SOS2: variants seen among roughly 807,000 people sequenced by gnomAD.
SOS2 encodes the protein son of sevenless homolog 2.
In SOS2, 65 loss-of-function variants were observed where a neutral mutation model predicts 148.2. That is an observed-to-expected ratio of 0.44 (90% confidence interval 0.36 to 0.54). The LOEUF (loss-of-function observed/expected upper bound fraction) is 0.54, where lower values mean the gene tolerates loss of function less well. SOS2 is among the 20% of genes least tolerant of loss of function. The pLI, the probability that SOS2 is intolerant of heterozygous loss-of-function variation, is 0.00. For missense variants in SOS2, 1,341 were observed against 1,590.2 expected, an observed-to-expected ratio of 0.84 and a Z score of 2.67; for synonymous variants, 539 against 537.1, an observed-to-expected ratio of 1.00 and a Z score of -0.05.
At chr14:50,226,537 TATTA>T (rs1887383404) in intron 1 of SOS2, among the ~76,000 whole-genome samples, 2 of 152,222 alleles carry the variant, frequency 1.3e-5, no homozygotes, top group Admixed American at 6.5e-5. Flanking sequence ...CGTAGACTGC[TATTA>T]ATTAACCCAG....
intron 7 of SOS2, among the ~76,000 whole-genome samples, chr14:50,179,620 C>T (rs1335281624): frequency 6.6e-6 from 1 of 152,152 alleles, no homozygotes; most frequent in Admixed American, 6.6e-5. Context: ...TGACCTTAGC[C>T]TCCCAAAGTG....
intron 3 of SOS2, among the ~76,000 whole-genome samples, 187 bp from the exon 4 acceptor site, chr14:50,200,042 G>A (rs1472418835): frequency 1.3e-5 from 2 of 152,028 alleles, no homozygotes; most frequent in Admixed American, 1.3e-4. Flanking sequence ...TTTCTTTTAA[G>A]AGACATCTAA....
chr14:50,188,590 G>C lies in SOS2; in HGVS notation c.621C>G (p.Ile207Met), dbSNP rs147109760. 1.2e-6 allele frequency: 2 copies of C among 1,606,890 alleles called. No individual in the cohort carries two copies. The highest frequency in any genetic ancestry group is 4.5e-5 in the East Asian group (2 of 44,792). The change falls in exon 5 of 23, where the codon ATC becomes ATG. Residue 207 changes from isoleucine (I) to methionine (M), a missense_variant. Transcript: ENST00000216373. ...LNYYDLVRTE[I>M]AEERQYLREL... ...CCCGTAGATACTGTCTTTCTTCTGC[G>C]ATTTCAGTTCTGACAAGATCATAGT...
chr14:50,222,669 A>T (rs923181755), intron 1 of SOS2, among the ~76,000 whole-genome samples: 1 of 152,254 alleles, frequency 6.6e-6, no homozygotes, highest in Admixed American at 6.5e-5. Context: ...AGACTAAAAC[A>T]TGTCTACGTT....
At chr14:50,194,771 C>T (rs1193840889) in intron 4 of SOS2, among the ~76,000 whole-genome samples, 1 of 149,970 alleles carries the variant, frequency 6.7e-6, no homozygotes, top group Non-Finnish European at 1.5e-5. Flanking sequence ...GAGCAAGACT[C>T]TGTCTCAACA....
At chr14:50,188,776 C>G (rs1412570196) in intron 4 of SOS2, 76 bp from the exon 5 acceptor site, 19 of 994,224 alleles carry the variant, frequency 1.9e-5, no homozygotes, top group Middle Eastern at 3.1e-4. Flanking sequence ...TACTTGAAAT[C>G]TATACGTTAT....
intron 1 of SOS2, among the ~76,000 whole-genome samples, chr14:50,230,200 C>T (rs917554868): frequency 1.3e-5 from 2 of 152,158 alleles, no homozygotes; most frequent in African/African-American, 4.8e-5. Flanking sequence ...AATTTAATGT[C>T]TGAGGATATA....
Position 50,139,974 on chromosome 14 carries a change from T to A in SOS2, c.2753A>T (p.Lys918Met). Residue 918 changes from lysine (K) to methionine (M), a missense_variant, in exon 17 of 23, where the codon AAG becomes ATG. By Grantham distance (95) the Lys-to-Met change is moderately conservative. Around this residue, in one of 4 missense-constraint regions of SOS2, gnomAD observed 408 missense variants for 506.6 expected, o/e 0.81. Coordinates refer to ENST00000216373, the MANE Select transcript of SOS2 (RefSeq NM_006939.4). The stretch of plus-strand genomic sequence containing the variant: ...AGGCACACAAGGTGGATTGATTGAC[T>A]TAAGTTTTACTAGGTATTTTTTAAA... ...DHFKKYLVKL[K>M]SINPPCVPFF... is the part of the protein sequence containing the mutation. 1 of 1,599,326 alleles carries A rather than the reference T, an allele frequency of 6.3e-7. No homozygotes were observed. The highest frequency in any genetic ancestry group is 1.3e-5 in the African/African-American group (1 of 74,736).
At chr14:50,143,021 G>T (rs1884345483) in intron 16 of SOS2, among the ~76,000 whole-genome samples, 1 of 152,028 alleles carries the variant, frequency 6.6e-6, no homozygotes. Flanking sequence ...ACTGATATGT[G>T]CAACTAAATA....
chr14:50,145,830 T>G (rs1385909709), intron 14 of SOS2, among the ~76,000 whole-genome samples: 6 of 152,164 alleles, frequency 3.9e-5, no homozygotes, highest in African/African-American at 1.4e-4. Context: ...ACTCATTAGA[T>G]GAACAAAAGT....
intron 8 of SOS2, among the ~76,000 whole-genome samples, chr14:50,172,616 C>T (rs1019212144): frequency 2.0e-5 from 3 of 151,774 alleles, no homozygotes; most frequent in Non-Finnish European, 2.9e-5. Flanking sequence ...CATTCCCTCC[C>T]CCTTGGACTC....
At chr14:50,125,460 T>C (rs1028932580) in intron 21 of SOS2, among the ~76,000 whole-genome samples, 4 of 152,208 alleles carry the variant, frequency 2.6e-5, no homozygotes, top group African/African-American at 7.2e-5. Context: ...AAGAAACTAA[T>C]AGTGTAATGA....
At chr14:50,208,650 G>GA (rs1886756382) in intron 1 of SOS2, among the ~76,000 whole-genome samples, 1 of 151,724 alleles carries the variant, frequency 6.6e-6, no homozygotes, top group Non-Finnish European at 1.5e-5. Flanking sequence ...CCATCTCAAA[G>GA]AAAAAACAAA....
intron 16 of SOS2, among the ~76,000 whole-genome samples, chr14:50,144,729 C>T (rs1463106967): frequency 3.3e-5 from 5 of 152,110 alleles, no homozygotes; most frequent in African/African-American, 4.8e-5. Flanking sequence ...TGAGCCACCA[C>T]GCCTGGCCAA....
At chr14:50,131,256 A>G (rs985794624) in intron 19 of SOS2, among the ~76,000 whole-genome samples, 50 of 152,198 alleles carry the variant, frequency 3.3e-4, no homozygotes, top group African/African-American at 1.2e-3. Flanking sequence ...CCTCTGTCCC[A>G]TTTTTCAAGT....
At chr14:50,190,203 G>C (rs546518675) in intron 4 of SOS2, among the ~76,000 whole-genome samples, 37 of 151,958 alleles carry the variant, frequency 2.4e-4, no homozygotes, top group Non-Finnish European at 4.6e-4. Context: ...AAAAATGATT[G>C]GACCTAGTTA....
At chr14:50,135,071 CAAAAAAAAA>C (rs746540364) in intron 18 of SOS2, among the ~76,000 whole-genome samples, 1 of 57,516 alleles carries the variant, frequency 1.7e-5, no homozygotes, top group African/African-American at 6.7e-5. Flanking sequence ...GAGACTGTCT[CAAAAAAAAA>C]AAAAAAAAAA....
At chr14:50,214,317 A>G (rs1198745614) in intron 1 of SOS2, among the ~76,000 whole-genome samples, 1 of 152,034 alleles carries the variant, frequency 6.6e-6, no homozygotes, top group African/African-American at 2.4e-5. Context: ...CAATAATAAA[A>G]AAAAAAAATC....
intron 1 of SOS2, among the ~76,000 whole-genome samples, chr14:50,204,892 T>TA (rs1243326111): frequency 2.8e-5 from 1 of 35,476 alleles, no homozygotes; most frequent in Non-Finnish European, 5.9e-5. Flanking sequence ...CTTTTTTTCT[T>TA]TTTTTTTCTT....
Sources: gnomAD v4.1 joint callset for allele counts (sites outside exome capture counted in the v4.1 genomes callset) on GRCh38, gnomAD v4.1.1 for gene constraint, gnomAD v4.1.1 regional missense constraint, MANE v1.5 for transcripts, NCBI Gene and HGNC (gene_info 2026-07-23, HGNC 2026-07-21) for gene names.